PHF21B: variants seen among roughly 807,000 people sequenced by gnomAD.
PHF21B encodes PHD finger protein 4.
PHF21B carries 22 observed loss-of-function variants against 62.2 expected under a neutral mutation model. The observed-to-expected ratio is 0.35, with a 90% CI of 0.25 to 0.51. The LOEUF (loss-of-function observed/expected upper bound fraction) is 0.51, where lower values mean the gene tolerates loss of function less well. Ranked by LOEUF, PHF21B falls within the 20% of genes least tolerant of loss-of-function variation. PHF21B has a pLI of 0.97. For missense variants in PHF21B, 701 were observed against 707.9 expected, an observed-to-expected ratio of 0.99 and a Z score of 0.11; for synonymous variants, 341 against 314.7, an observed-to-expected ratio of 1.08 and a Z score of -0.88.
chr22:44,899,344 G>T (rs1166550993), intron 5 of PHF21B, among the ~76,000 whole-genome samples: 1 of 135,258 alleles, frequency 7.4e-6, no homozygotes, highest in East Asian at 2.2e-4. Flanking sequence ...AGCCTGGAGT[G>T]CAGTGGCATG....
At chr22:44,966,695 T>C (rs1601655368) in intron 2 of PHF21B, among the ~76,000 whole-genome samples, 1 of 152,032 alleles carries the variant, frequency 6.6e-6, no homozygotes, top group Admixed American at 6.5e-5. Context: ...CAGCATGAGG[T>C]AGCGGTAGCC....
At chr22:44,939,363 T>A (rs1037556779) in intron 2 of PHF21B, among the ~76,000 whole-genome samples, 1 of 152,172 alleles carries the variant, frequency 6.6e-6, no homozygotes, top group African/African-American at 2.4e-5. Flanking sequence ...AGGACTGCCA[T>A]GTGTGACTGG....
At chr22:44,960,376 C>T (rs367615064) in intron 2 of PHF21B, among the ~76,000 whole-genome samples, 4 of 152,118 alleles carry the variant, frequency 2.6e-5, no homozygotes, top group African/African-American at 7.2e-5. Flanking sequence ...CACTGCAGTC[C>T]GGCAGCACCA....
chr22:44,921,656 C>G (rs987122833), intron 2 of PHF21B, among the ~76,000 whole-genome samples: 1 of 151,752 alleles, frequency 6.6e-6, no homozygotes, highest in Non-Finnish European at 1.5e-5. Flanking sequence ...GCATGAGCCA[C>G]GGAACCCAGC....
At position 44,968,368 on chromosome 22, in the gene PHF21B, G is replaced by C. The variant is rs557481741; in HGVS notation, c.120+40177C>G. Among the ~76,000 whole-genome samples, 39 of 152,288 alleles carry C rather than the reference G, an allele frequency of 2.6e-4. 1 individual carries two copies. The highest frequency in any genetic ancestry group is 8.7e-4 in the African/African-American group (36 of 41,558). The stretch of plus-strand genomic sequence containing the variant: ...TCCGAAATGCTTGGGATAAGGCTGG[G>C]TACAGCGGCTCACACCTGTAATCTC... On this transcript the variant is annotated intron_variant, in intron 2 of 12. Coordinates refer to ENST00000313237, the MANE Select transcript of PHF21B (RefSeq NM_138415.5).
Position 44,916,509 on chromosome 22 carries a change from G to A in PHF21B, c.335C>T (p.Ala112Val). 5.6e-6 allele frequency: 9 copies of A among 1,608,968 alleles called. No individual in the cohort carries two copies. The highest frequency in any genetic ancestry group is 7.6e-6 in the Non-Finnish European group (9 of 1,179,652). Residue 112 changes from alanine to valine, a missense_variant, in exon 4 of 13, where the codon GCC becomes GTC. By Grantham distance (64) the Ala-to-Val change is moderately conservative. Transcript: ENST00000313237. ...TVVSVKNPSPALPTANNTVSH... is the reference protein window; with the variant it reads ...TVVSVKNPSPVLPTANNTVSH... ...GACAGTGTTGTTGGCGGTGGGGAGGGCTGGGCTGGGGTTCTTGACGCTGAC... is the reference window on the plus strand; with the variant it reads ...GACAGTGTTGTTGGCGGTGGGGAGGACTGGGCTGGGGTTCTTGACGCTGAC...
At chr22:44,953,999 G>C (rs896061360) in intron 2 of PHF21B, among the ~76,000 whole-genome samples, 23 of 152,214 alleles carry the variant, frequency 1.5e-4, no homozygotes, top group African/African-American at 5.3e-4. Flanking sequence ...CCACCCCACC[G>C]GGCTCTTCCT....
chr22:44,928,042 T>C (rs1039118127), intron 2 of PHF21B, among the ~76,000 whole-genome samples: 4 of 152,146 alleles, frequency 2.6e-5, no homozygotes, highest in African/African-American at 9.7e-5. Context: ...GTGCAGACCC[T>C]ACAACCTTCC....
chr22:44,889,844 C>G (rs1002794219), intron 8 of PHF21B, 62 bp from the exon 9 acceptor site: 1 of 1,481,872 alleles, frequency 6.7e-7, no homozygotes, highest in Admixed American at 2.7e-5. Flanking sequence ...CAGATCAGGA[C>G]TGGAGTCCAT....
intron 5 of PHF21B, among the ~76,000 whole-genome samples, chr22:44,900,580 C>A (rs767531592): frequency 4.6e-5 from 7 of 152,204 alleles, no homozygotes; most frequent in Non-Finnish European, 1.0e-4. Context: ...AGATTACAGG[C>A]GTGAGCCACT....
At chr22:45,008,642 G>T in intron 1 of PHF21B, 32 bp from the exon 2 acceptor site, 3 of 1,549,914 alleles carry the variant, frequency 1.9e-6, no homozygotes, top group Non-Finnish European at 2.6e-6. Context: ...GGCTCAGGCA[G>T]GCCACCCGGG....
intron 5 of PHF21B, among the ~76,000 whole-genome samples, 169 bp from the exon 6 acceptor site, chr22:44,896,252 G>T (rs1046782688): frequency 1.3e-5 from 2 of 152,200 alleles, no homozygotes; most frequent in African/African-American, 2.4e-5. Flanking sequence ...TGGGGAAATA[G>T]GATTTCCAAA....
chr22:44,938,058 A>C (rs1313820712), intron 2 of PHF21B, among the ~76,000 whole-genome samples: 1 of 152,278 alleles, frequency 6.6e-6, no homozygotes, highest in African/African-American at 2.4e-5. Context: ...TGCAAATTTT[A>C]TCTCAAATTT....
chr22:45,007,731 T>C (rs187061376), intron 2 of PHF21B, among the ~76,000 whole-genome samples: 102 of 6,198 alleles, frequency 0.016, no homozygotes, highest in East Asian at 0.024. Flanking sequence ...GGTGTGCGAG[T>C]GCGGGGAGGG....
chr22:44,919,956 C>T (rs2147311623), intron 3 of PHF21B, among the ~76,000 whole-genome samples: 1 of 152,332 alleles, frequency 6.6e-6, no homozygotes, highest in South Asian at 2.1e-4. Context: ...AGCCAGGGCA[C>T]CTGGCCCAGA....
chr22:44,918,266 C>T (rs1423452999), intron 3 of PHF21B, among the ~76,000 whole-genome samples: 1 of 152,358 alleles, frequency 6.6e-6, no homozygotes, highest in African/African-American at 2.4e-5. Flanking sequence ...TGGCAGTGGC[C>T]GTTCCGTGTT....
chr22:44,901,063 G>A (rs1354730639), intron 5 of PHF21B, among the ~76,000 whole-genome samples: 1 of 152,258 alleles, frequency 6.6e-6, no homozygotes, highest in Non-Finnish European at 1.5e-5. Context: ...ACTCACATAG[G>A]TGGAAGATCA....
At chr22:44,897,757 C>T (rs1159469546) in intron 5 of PHF21B, among the ~76,000 whole-genome samples, 1 of 152,204 alleles carries the variant, frequency 6.6e-6, no homozygotes, top group African/African-American at 2.4e-5. Flanking sequence ...ACTAAAGAAC[C>T]AACGTCGGTA....
chr22:44,993,821 T>C (rs982269904), intron 2 of PHF21B, among the ~76,000 whole-genome samples: 1 of 152,170 alleles, frequency 6.6e-6, no homozygotes, highest in South Asian at 2.1e-4. Flanking sequence ...CAAATCAGGG[T>C]GAAACTCTCA....
Sources: allele counts gnomAD v4.1 joint callset (sites outside exome capture counted in the v4.1 genomes callset), GRCh38; gene constraint gnomAD v4.1.1; transcripts MANE v1.5; gene names NCBI Gene and HGNC (gene_info 2026-07-23, HGNC 2026-07-21).